IL12RB1: variants seen among roughly 807,000 people sequenced by gnomAD.
IL12RB1 encodes interleukin-12 receptor subunit beta-1.
In IL12RB1, 64 loss-of-function variants were observed where a neutral mutation model predicts 94.4. That is an observed-to-expected ratio of 0.68 (90% CI 0.55 to 0.83). The LOEUF (loss-of-function observed/expected upper bound fraction) is 0.83. Among genes scored for constraint, IL12RB1 ranks in the 40% least tolerant of loss-of-function variants. The pLI is 0.00. For missense variants in IL12RB1, 814 were observed against 855.6 expected, an observed-to-expected ratio of 0.95 and a Z score of 0.61; for synonymous variants, 362 against 355.5, an observed-to-expected ratio of 1.02 and a Z score of -0.21.
intron 4 of IL12RB1, among the ~76,000 whole-genome samples, chr19:18,079,816 G>A (rs1052819299): frequency 6.6e-6 from 1 of 151,990 alleles, no homozygotes; most frequent in Non-Finnish European, 1.5e-5. Flanking sequence ...AGAATGGTGT[G>A]AACCCAGGAG....
intron 9 of IL12RB1, among the ~76,000 whole-genome samples, chr19:18,071,496 A>T (rs1599495073): frequency 6.6e-6 from 1 of 152,076 alleles, no homozygotes; most frequent in South Asian, 2.1e-4. Context: ...TTCTTTAATA[A>T]TGCATAATAG....
chr19:18,067,160 C>T (rs995652847), intron 11 of IL12RB1, among the ~76,000 whole-genome samples: 3 of 151,278 alleles, frequency 2.0e-5, no homozygotes, highest in African/African-American at 2.4e-5. Context: ...CCTGTTTCTA[C>T]TAAAACTACA....
rs17878543 is a variant in IL12RB1 at position 18,059,170 on chromosome 19, C to T, written c.*438G>A. On this transcript the variant is annotated 3_prime_UTR_variant, in exon 17 of 17. Coordinates refer to ENST00000593993, the MANE Select transcript of IL12RB1 (RefSeq NM_005535.3). ...GGGGTGGGGGGTGGGATGGGAGGACCGTCATTTTTCCCACAAAGTTTACAG... is the reference window on the plus strand; with the variant it reads ...GGGGTGGGGGGTGGGATGGGAGGACTGTCATTTTTCCCACAAAGTTTACAG... 184 of 195,994 alleles carry T rather than the reference C, an allele frequency of 9.4e-4. 1 individual carries two copies. The highest frequency in any genetic ancestry group is 4.0e-3 in the African/African-American group (171 of 42,296). 12.1% of individuals were successfully genotyped at this position (195,994 alleles called of 1,614,324 possible). A position where few individuals can be genotyped will look rare whatever the true frequency, so the allele number is the denominator to read the frequency against.
Position 18,059,400 on chromosome 19 carries a change from G to A in IL12RB1, c.*208C>T, listed in dbSNP as rs1313131833. On this transcript the variant is annotated 3_prime_UTR_variant, in exon 17 of 17. Transcript: ENST00000593993. ...ATGGCAGGGTCTGCTCCTGCCCCAC[G>A]GATGCCAGGCCCAGCAGGGTGCAGC... 8 of 629,122 alleles carry A rather than the reference G, an allele frequency of 1.3e-5. No homozygotes were observed. Among genetic ancestry groups the A allele is most frequent in the Admixed American group, 2.5e-5 (1 of 39,446 alleles). 39.0% of individuals were successfully genotyped at this position (629,122 alleles called of 1,614,324 possible).
chr19:18,081,060 G>A (rs1040448847), intron 3 of IL12RB1, 59 bp from the exon 4 acceptor site: 10 of 1,476,322 alleles, frequency 6.8e-6, no homozygotes, highest in African/African-American at 4.2e-5. Flanking sequence ...CCCCACAGCC[G>A]ACTTTGTGCA....
rs138099877 is a variant in IL12RB1, at chr19:18,080,962, T to C, written c.279A>G (p.Ser93=). The stretch of plus-strand genomic sequence containing the variant: ...GGTCGGAGAACTGCAGCCTGGTGGC[T>C]GAGCCGGCGGCGAAGTAGCAGCAGC... ...SGRCCYFAAG[S]ATRLQFSDQA... is the part of the protein sequence containing the mutation. The change falls in exon 4 of 17, where the codon TCA becomes TCG. Residue 93 remains serine (S), a synonymous_variant. Transcript: ENST00000593993. The C allele has an allele frequency of 2.2e-5, 35 of 1,613,750 alleles. No individual in the cohort carries two copies. The African/African-American group carries it at 4.0e-4, about 18-fold the overall frequency.
intron 1 of IL12RB1, among the ~76,000 whole-genome samples, chr19:18,096,972 C>T (rs925320497): frequency 3.9e-5 from 6 of 152,044 alleles, no homozygotes; most frequent in African/African-American, 1.4e-4. Flanking sequence ...TAGTGAGATC[C>T]CCGTCTCTAA....
chr19:18,095,961 T>C (rs2036879628), intron 1 of IL12RB1, among the ~76,000 whole-genome samples: 1 of 152,120 alleles, frequency 6.6e-6, no homozygotes, highest in South Asian at 2.1e-4. Flanking sequence ...CAGTGGCTCA[T>C]GCCTGTAGTC....
In IL12RB1 at chr19:18,081,304, C is replaced by T. The variant is rs976097759; in HGVS notation, c.240-303G>A. On this transcript the variant is annotated intron_variant, in intron 3 of 16. Transcript: ENST00000593993. The stretch of plus-strand genomic sequence containing the variant: ...AGAGATGGAGTTTCACCATGTTGGC[C>T]AGGCTGGTCTCCAACTTCTGGCCTC... Among the ~76,000 whole-genome samples the T allele has an allele frequency of 1.1e-4, 17 of 151,224 alleles. No homozygotes were observed. In the East Asian group the frequency reaches 2.2e-3, roughly 20 times the overall value.
chr19:18,074,553 G>T (rs1447199152), intron 7 of IL12RB1, among the ~76,000 whole-genome samples: 1 of 152,078 alleles, frequency 6.6e-6, no homozygotes, highest in African/African-American at 2.4e-5. Flanking sequence ...TTCGAGACCA[G>T]CCGGGCAAAC....
In IL12RB1 at chr19:18,060,044, T is replaced by A; in HGVS notation, c.1833A>T (p.Ala611=). 1 of 1,606,598 alleles carries A rather than the reference T, an allele frequency of 6.2e-7. No individual in the cohort carries two copies. Among genetic ancestry groups the A allele is most frequent in the South Asian group, 1.1e-5 (1 of 90,334 alleles). Residue 611 remains alanine, a synonymous_variant, in exon 16 of 17, where the codon GCA becomes GCT. Coordinates refer to ENST00000593993, the MANE Select transcript of IL12RB1 (RefSeq NM_005535.3). ...CTACCACCAGGGCCTCCTGCAGGGA[T>A]GCCTCTTCCTGGAAGTCCACTGGGT... ...WINPVDFQEE[A]SLQEALVVEM... is the part of the protein sequence containing the mutation.
At chr19:18,098,335 G>A (rs991181272) in intron 1 of IL12RB1, among the ~76,000 whole-genome samples, 5 of 151,600 alleles carry the variant, frequency 3.3e-5, no homozygotes, top group East Asian at 2.0e-4. Context: ...CTCTAGTCCC[G>A]GAAAGCCACT....
chr19:18,066,632 CCACAGA>C lies in IL12RB1; in HGVS notation c.1387_1392del (p.Ser463_Val464del). Reference sequence around the variant, plus strand: ...GTGCTCAGCAGGGATGGTGCCCAGTCCACAGACACAGAGTCCAAGCTATGATTCTTC... The same window carrying C: ...GTGCTCAGCAGGGATGGTGCCCAGTCCACAGAGTCCAAGCTATGATTCTTC... On this transcript the variant is annotated inframe_deletion, in exon 12 of 17. Transcript: ENST00000593993. The C allele has an allele frequency of 6.2e-7, 1 of 1,612,508 alleles. No homozygotes were observed. The highest frequency in any genetic ancestry group is 8.5e-7 in the Non-Finnish European group (1 of 1,178,772).
chr19:18,091,947 G>A (rs1183742176), upstream of IL12RB1, among the ~76,000 whole-genome samples: 1 of 148,030 alleles, frequency 6.8e-6, no homozygotes, highest in African/African-American at 2.5e-5. Context: ...TGCGATTTCA[G>A]CTCACTATAA....
At chr19:18,066,202 G>C (rs1017168725) in intron 12 of IL12RB1, among the ~76,000 whole-genome samples, 3 of 151,914 alleles carry the variant, frequency 2.0e-5, no homozygotes, top group African/African-American at 7.3e-5. Flanking sequence ...CCGCCTCCTG[G>C]GTTCAAGCGA....
chr19:18,075,270 C>CTTTT (rs201879214), intron 7 of IL12RB1, among the ~76,000 whole-genome samples: 10 of 108,992 alleles, frequency 9.2e-5, no homozygotes, highest in Non-Finnish European at 1.2e-4. Context: ...TTTTTTTTTA[C>CTTTT]TTTTTTTTGA....
chr19:18,063,715 C>T (rs558442642), intron 13 of IL12RB1, among the ~76,000 whole-genome samples, 161 bp downstream of exon 13: 5 of 152,250 alleles, frequency 3.3e-5, no homozygotes, highest in Admixed American at 1.3e-4. Flanking sequence ...GAGGAAGCTG[C>T]GAGAGAAGGC....
chr19:18,059,837 C>T, intron 16 of IL12RB1, 57 bp downstream of exon 16: 3 of 1,030,114 alleles, frequency 2.9e-6, no homozygotes, highest in East Asian at 2.6e-5. Flanking sequence ...TGTCTAGCCC[C>T]CCCACCCCCC....
upstream of IL12RB1, among the ~76,000 whole-genome samples, chr19:18,091,250 G>A (rs535344596): frequency 1.1e-4 from 16 of 152,244 alleles, no homozygotes; most frequent in South Asian, 1.0e-3. Flanking sequence ...CCTTCCCTCC[G>A]TCTCTAGGCC....
Sources: gnomAD v4.1 joint callset for allele counts (sites outside exome capture counted in the v4.1 genomes callset) on GRCh38, gnomAD v4.1.1 for gene constraint, MANE v1.5 for transcripts, NCBI Gene and HGNC (gene_info 2026-07-23, HGNC 2026-07-21) for gene names.